The following QTMAN variants were observed in gnomAD, a reference collection of about 807,000 sequenced individuals.
The protein encoded by QTMAN is tRNA-queuosine alpha-mannosyltransferase.
the QTMAN span, among the ~76,000 whole-genome samples, chr2:144,287,665 C>T: frequency 6.6e-6 from 1 of 152,220 alleles, no homozygotes; most frequent in African/African-American, 2.4e-5. Context: ...GCTTTAACCT[C>T]CCAATAAAGC....
the QTMAN span, among the ~76,000 whole-genome samples, chr2:144,124,496 T>C: frequency 6.6e-6 from 1 of 152,108 alleles, no homozygotes; most frequent in Non-Finnish European, 1.5e-5. Context: ...ATTTTCCTGA[T>C]TTTATAGGCA....
the QTMAN span, chr2:144,295,389 A>G: frequency 6.6e-6 from 1 of 152,192 alleles, no homozygotes; most frequent in Non-Finnish European, 1.5e-5. Context: ...GCCTGTCACA[A>G]AGCCTGGCAT....
chr2:144,019,435 GGTGTGTGTGTGTGTGT>G, the QTMAN span, among the ~76,000 whole-genome samples: 881 of 117,274 alleles, frequency 7.5e-3, 5 homozygotes, highest in African/African-American at 0.016. Flanking sequence ...TAAGCATGCA[GGTGTGTGTGTGTGTGT>G]GTGTGTGTGT....
At chr2:144,119,134 G>A in the QTMAN span, among the ~76,000 whole-genome samples, 1 of 152,146 alleles carries the variant, frequency 6.6e-6, no homozygotes, top group Non-Finnish European at 1.5e-5. Flanking sequence ...TAGGTTTAGG[G>A]TTCAGGAAGA....
chr2:143,960,897 C>T, the QTMAN span, among the ~76,000 whole-genome samples: 32 of 152,140 alleles, frequency 2.1e-4, no homozygotes, highest in East Asian at 6.0e-3. Flanking sequence ...TTTCAGAAAG[C>T]GTCACTAAGT....
the QTMAN span, among the ~76,000 whole-genome samples, chr2:144,315,857 T>A: frequency 6.6e-6 from 1 of 152,174 alleles, no homozygotes; most frequent in Non-Finnish European, 1.5e-5. Context: ...CACACCAAGG[T>A]GCCACAGTAC....
chr2:144,021,807 C>T, the QTMAN span, among the ~76,000 whole-genome samples: 6 of 152,044 alleles, frequency 3.9e-5, no homozygotes, highest in Admixed American at 3.3e-4. Context: ...GCTGTAAACA[C>T]AGAATATTTA....
At chr2:144,129,856 A>AAT in the QTMAN span, among the ~76,000 whole-genome samples, 1 of 152,000 alleles carries the variant, frequency 6.6e-6, no homozygotes, top group South Asian at 2.1e-4. Flanking sequence ...CACAGAGAAA[A>AAT]ATATTTTATA....
chr2:144,181,373 A>G, the QTMAN span, among the ~76,000 whole-genome samples: 1 of 152,232 alleles, frequency 6.6e-6, no homozygotes, highest in Non-Finnish European at 1.5e-5. Context: ...TTCAAATACT[A>G]GTTTTTTAGG....
chr2:144,193,869 T>C, the QTMAN span, among the ~76,000 whole-genome samples: 1 of 152,068 alleles, frequency 6.6e-6, no homozygotes, highest in Non-Finnish European at 1.5e-5. Flanking sequence ...CAATTCAAAA[T>C]TGATACCAGA....
At chr2:143,940,445 T>C in the QTMAN span, 3 of 152,246 alleles carry the variant, frequency 2.0e-5, no homozygotes, top group East Asian at 1.9e-4. Context: ...TAATATACCA[T>C]TGGTATTTAT....
the QTMAN span, among the ~76,000 whole-genome samples, chr2:144,325,951 T>C: frequency 6.6e-6 from 1 of 152,246 alleles, no homozygotes; most frequent in East Asian, 1.9e-4. Context: ...AGGTTTAGAC[T>C]ACTAAAGAGT....
chr2:143,939,961 T>G, the QTMAN span: 4 of 150,960 alleles, frequency 2.6e-5, no homozygotes, highest in African/African-American at 9.8e-5. Flanking sequence ...CTGTGTGGAT[T>G]GAGGGCAACA....
chr2:144,184,575 G>A, the QTMAN span, among the ~76,000 whole-genome samples: 1 of 152,084 alleles, frequency 6.6e-6, no homozygotes, highest in Non-Finnish European at 1.5e-5. Flanking sequence ...TGGAAAAATG[G>A]CTATAGGAAG....
At chr2:144,226,867 C>G in the QTMAN span, among the ~76,000 whole-genome samples, 1 of 152,066 alleles carries the variant, frequency 6.6e-6, no homozygotes, top group African/African-American at 2.4e-5. Context: ...TTGTAAGATA[C>G]TGATTCCTAC....
At chr2:144,318,811 TTGTTGAATGCTAAGATTTAAAAA>T in the QTMAN span, among the ~76,000 whole-genome samples, 26 of 152,358 alleles carry the variant, frequency 1.7e-4, no homozygotes, top group East Asian at 5.0e-3. Context: ...TGTAGAGTTT[TTGTTGAATGCTAAGATTTAAAAA>T]TGTTGAAGAT....
chr2:144,004,566 A>G, the QTMAN span, among the ~76,000 whole-genome samples: 12 of 152,158 alleles, frequency 7.9e-5, no homozygotes, highest in South Asian at 2.1e-3. Context: ...AAGAAAATAT[A>G]GGCGTTTTAG....
the QTMAN span, among the ~76,000 whole-genome samples, chr2:144,010,554 C>G: frequency 6.6e-6 from 1 of 151,976 alleles, no homozygotes; most frequent in African/African-American, 2.4e-5. Flanking sequence ...TTTGATTCAG[C>G]GAACTGATGC....
the QTMAN span, among the ~76,000 whole-genome samples, chr2:144,282,697 C>T: frequency 6.6e-6 from 1 of 151,916 alleles, no homozygotes; most frequent in Admixed American, 6.6e-5. Context: ...CACAGAACTT[C>T]TAAATCCCTT....
Sources: gnomAD v4.1 joint callset for allele counts (sites outside exome capture counted in the v4.1 genomes callset) on GRCh38, gnomAD v4.1.1 for gene constraint, MANE v1.5 for transcripts, NCBI Gene and HGNC (gene_info 2026-07-23, HGNC 2026-07-21) for gene names.